ACVR1: variants seen among roughly 807,000 people sequenced by gnomAD.
The protein encoded by ACVR1 is activin A receptor type 1, also known as activin receptor type-1.
Under a neutral mutation model 57.1 loss-of-function variants are expected in ACVR1, and 38 were observed. That is an observed-to-expected ratio of 0.67 (90% CI 0.51 to 0.87). The LOEUF is 0.87. ACVR1 is among the 40% of genes least tolerant of loss of function. ACVR1 has a pLI of 0.00. For synonymous variants in ACVR1, 212 were observed against 228.1 expected (o/e 0.93, Z 0.63); for missense variants, 463 against 638.2 (o/e 0.73, Z 2.96).
intron 6 of ACVR1, among the ~76,000 whole-genome samples, chr2:157,771,361 G>A (rs1437258885): frequency 1.3e-5 from 2 of 152,182 alleles, no homozygotes; most frequent in East Asian, 1.9e-4. Flanking sequence ...CCCTCTTGCA[G>A]CAGCAACACA....
chr2:157,756,472 A>G (rs746110947), intron 9 of ACVR1, among the ~76,000 whole-genome samples: 1 of 152,120 alleles, frequency 6.6e-6, no homozygotes, highest in Non-Finnish European at 1.5e-5. Flanking sequence ...GAAAAAAACA[A>G]CTTCATCAAA....
chr2:157,851,372 T>C (rs1689295970), intron 1 of ACVR1, among the ~76,000 whole-genome samples: 1 of 151,956 alleles, frequency 6.6e-6, no homozygotes, highest in Non-Finnish European at 1.5e-5. Flanking sequence ...AGCATGGAAG[T>C]CAAAAAATCA....
chr2:157,847,135 T>G (rs960816083), intron 1 of ACVR1, among the ~76,000 whole-genome samples: 1 of 152,162 alleles, frequency 6.6e-6, no homozygotes, highest in African/African-American at 2.4e-5. Flanking sequence ...TTCAAAAAAT[T>G]TTAATACCTA....
intron 1 of ACVR1, among the ~76,000 whole-genome samples, chr2:157,837,124 A>C (rs1018588650): frequency 6.6e-6 from 1 of 152,244 alleles, no homozygotes; most frequent in Non-Finnish European, 1.5e-5. Context: ...ACACTCAAAT[A>C]TCTTTTCCCT....
chr2:157,854,834 T>C (rs1275782906), intron 1 of ACVR1, among the ~76,000 whole-genome samples: 1 of 151,022 alleles, frequency 6.6e-6, no homozygotes, highest in East Asian at 2.0e-4. Context: ...GGTCAGGAGA[T>C]AAGAGACAAT....
intron 1 of ACVR1, among the ~76,000 whole-genome samples, chr2:157,824,475 A>G (rs1326906367): frequency 6.6e-6 from 1 of 152,126 alleles, no homozygotes; most frequent in Non-Finnish European, 1.5e-5. Context: ...CAAAAAAGTA[A>G]TAATAATAAT....
At position 157,847,093 on chromosome 2, in the gene ACVR1, A is replaced by C. The variant is rs375270491; in HGVS notation, c.-182-28534T>G. ...CAAAGAAATGAACCAGAACATCAAC[A>C]GTTTAGAATGATGTTGCACAGGAGA... On this transcript the variant is annotated intron_variant, in intron 1 of 10. Transcript: ENST00000434821. Among the ~76,000 whole-genome samples the C allele has an allele frequency of 2.6e-5, 4 of 152,360 alleles. No individual in the cohort carries two copies. The East Asian group carries it at 7.7e-4, about 29-fold the overall frequency.
At chr2:157,860,637 A>G (rs1480155795) in intron 1 of ACVR1, among the ~76,000 whole-genome samples, 1 of 152,200 alleles carries the variant, frequency 6.6e-6, no homozygotes, top group Non-Finnish European at 1.5e-5. Context: ...GAAGCACCTT[A>G]TACACTATTA....
Position 157,766,040 on chromosome 2 carries a change from A to G in ACVR1, c.947T>C (p.Leu316Pro). The change falls in exon 8 of 11, where the codon CTT (leucine) becomes CCT (proline). Residue 316 changes from leucine to proline, a missense_variant. Around this residue, in one of 3 missense-constraint regions of ACVR1, gnomAD observed 114 missense variants for 216.2 expected, o/e 0.53. Transcript: ENST00000434821. ...LRIVLSIASG[L>P]AHLHIEIFGT... ...AAATATCTCTATGTGCAAATGTGCA[A>G]GACCACTAGCTATGGACAGCACTAT... 1 of 1,614,180 alleles carries G rather than the reference A, an allele frequency of 6.2e-7. No individual in the cohort carries two copies. Among genetic ancestry groups the G allele is most frequent in the Non-Finnish European group, 8.5e-7 (1 of 1,180,006 alleles).
Position 157,815,506 on chromosome 2 carries a change from C to T in ACVR1, c.-8+2879G>A, listed in dbSNP as rs555115139. 2.0e-5 allele frequency among the ~76,000 whole-genome samples: 3 copies of T among 152,294 alleles called. No individual in the cohort carries two copies. In the East Asian group the frequency reaches 5.8e-4, roughly 29 times the overall value. ...CTCTGGTGACTCTCACTGTTAACCA[C>T]ATTAGGAAACTACTGAGCTGAACAA... On this transcript the variant is annotated intron_variant, in intron 2 of 10. Transcript: ENST00000434821.
intron 8 of ACVR1, 82 bp from the exon 9 acceptor site, chr2:157,761,159 T>C: frequency 7.2e-7 from 1 of 1,395,930 alleles, no homozygotes; most frequent in Non-Finnish European, 9.9e-7. Context: ...CCAACCCCAA[T>C]CAAAAGTGCC....
In ACVR1 at chr2:157,774,187, C is replaced by T; in HGVS notation, c.544G>A (p.Asp182Asn). 1 of 1,613,640 alleles carries T rather than the reference C, an allele frequency of 6.2e-7. No individual in the cohort carries two copies. Among genetic ancestry groups the T allele is most frequent in the Non-Finnish European group, 8.5e-7 (1 of 1,179,630 alleles). Reference sequence around the variant, plus strand: ...GATGTACACGAATGATCCAATAAATCCTGTGGTTTAAGACAAGGGGGAAAA... The same window carrying T: ...GATGTACACGAATGATCCAATAAATTCTGTGGTTTAAGACAAGGGGGAAAA... The part of the protein sequence containing the change: ...TTNVGDSTLA[D>N]LLDHSCTSGS... The change falls in exon 6 of 11, where the codon GAT (aspartate) becomes AAT (asparagine). Residue 182 changes from aspartate (D) to asparagine (N), a missense_variant and splice_region_variant. Transcript: ENST00000434821.
intron 3 of ACVR1, among the ~76,000 whole-genome samples, chr2:157,790,881 T>C (rs572507453): frequency 9.8e-5 from 15 of 152,336 alleles, no homozygotes; most frequent in Admixed American, 9.2e-4. Context: ...GCCTTCAGGA[T>C]AGAAGACAAA....
At chr2:157,867,015 A>ATTT (rs573403852) in intron 1 of ACVR1, among the ~76,000 whole-genome samples, 3 of 152,034 alleles carry the variant, frequency 2.0e-5, no homozygotes, top group Non-Finnish European at 2.9e-5. Context: ...TTTCAGTTCC[A>ATTT]TTTTCCCAGC....
At chr2:157,821,971 AG>A (rs1688176420) in intron 1 of ACVR1, among the ~76,000 whole-genome samples, 1 of 152,172 alleles carries the variant, frequency 6.6e-6, no homozygotes, top group Non-Finnish European at 1.5e-5. Context: ...GCTAAGCAAC[AG>A]GGGAAAAAAA....
chr2:157,766,751 G>A (rs980271090), intron 7 of ACVR1, among the ~76,000 whole-genome samples: 1 of 152,172 alleles, frequency 6.6e-6, no homozygotes, highest in South Asian at 2.1e-4. Context: ...AAATATATGA[G>A]TATTTATGAT....
At chr2:157,792,713 A>C (rs780379745) in intron 3 of ACVR1, among the ~76,000 whole-genome samples, 1 of 152,222 alleles carries the variant, frequency 6.6e-6, no homozygotes, top group Non-Finnish European at 1.5e-5. Flanking sequence ...AATAAAACTG[A>C]ATAAAATTTA....
At chr2:157,845,811 T>C (rs946787077) in intron 1 of ACVR1, among the ~76,000 whole-genome samples, 2 of 152,234 alleles carry the variant, frequency 1.3e-5, no homozygotes, top group Non-Finnish European at 2.9e-5. Context: ...GCCATCTGAA[T>C]GTCAGTCTAG....
At chr2:157,866,768 ACTC>A (rs946638715) in intron 1 of ACVR1, among the ~76,000 whole-genome samples, 15 of 152,138 alleles carry the variant, frequency 9.9e-5, no homozygotes, top group Admixed American at 4.6e-4. Flanking sequence ...CTGTTATTTT[ACTC>A]CTCTATTCGG....
Sources: allele counts gnomAD v4.1 joint callset (sites outside exome capture counted in the v4.1 genomes callset), GRCh38; gene constraint gnomAD v4.1.1; regional missense constraint gnomAD v4.1.1; transcripts MANE v1.5; gene names NCBI Gene and HGNC (gene_info 2026-07-23, HGNC 2026-07-21).